Variants in AP3B1 observed in about 807,000 individuals in gnomAD.
AP3B1 encodes adaptor related protein complex 3 subunit beta 1.
AP3B1 carries 61 observed loss-of-function variants against 132.5 expected under a neutral mutation model. That is an observed-to-expected ratio of 0.46 (90% CI 0.37 to 0.57). The LOEUF is 0.57. Ranked by LOEUF, AP3B1 falls within the 20% of genes least tolerant of loss-of-function variation. AP3B1 has a pLI of 0.00. For missense variants in AP3B1, 1,120 were observed against 1,289.4 expected (o/e 0.87, Z 2.01); for synonymous variants, 388 against 438.3 (o/e 0.89, Z 1.43).
At chr5:78,142,516 A>G (rs1247567265) in intron 14 of AP3B1, among the ~76,000 whole-genome samples, 2 of 152,184 alleles carry the variant, frequency 1.3e-5, no homozygotes, top group East Asian at 3.8e-4. Flanking sequence ...ATGGCTATAC[A>G]TAGTAGGATT....
intron 22 of AP3B1, among the ~76,000 whole-genome samples, chr5:78,057,231 T>C: frequency 6.6e-6 from 1 of 152,218 alleles, no homozygotes; most frequent in South Asian, 2.1e-4. Context: ...TGGCAAATTC[T>C]AACTTTTAGC....
intron 3 of AP3B1, among the ~76,000 whole-genome samples, chr5:78,229,616 G>A (rs1746551335): frequency 6.6e-6 from 1 of 150,892 alleles, no homozygotes; most frequent in African/African-American, 2.4e-5. Context: ...GCATGCACCT[G>A]TAGTCCCAGC....
chr5:78,292,720 T>C (rs916006484), intron 1 of AP3B1, among the ~76,000 whole-genome samples: 167 of 152,310 alleles, frequency 1.1e-3, no homozygotes, highest in Non-Finnish European at 2.1e-3. Flanking sequence ...TCAACCATGG[T>C]TATTTGCATA....
Position 78,177,416 on chromosome 5 carries a change from C to A in AP3B1, c.963G>T (p.Gln321His), listed in dbSNP as rs1226113490. The change falls in exon 9 of 27, where the codon CAG (glutamine) becomes CAT (histidine). Residue 321 changes from glutamine to histidine, a missense_variant. Physicochemically the swap from Gln to His is conservative, Grantham distance 24. Around this residue, in one of 3 missense-constraint regions of AP3B1, gnomAD observed 906 missense variants for 997.1 expected, o/e 0.91. Transcript: ENST00000255194. ...ATTTTGGTGATATGTGCCAATACAG[C>A]TGAGCAACTGCCATAACCACCTACA... ...RNAAVVMAVA[Q>H]LYWHISPKSE... 1 of 1,613,766 alleles carries A rather than the reference C, an allele frequency of 6.2e-7. No homozygotes were observed. Among genetic ancestry groups the A allele is most frequent in the East Asian group, 2.2e-5 (1 of 44,860 alleles).
chr5:78,009,543 A>C (rs1746531214), intron 26 of AP3B1, among the ~76,000 whole-genome samples: 1 of 152,172 alleles, frequency 6.6e-6, no homozygotes, highest in South Asian at 2.1e-4. Context: ...ACCTGAAATA[A>C]ACTGTCTTTA....
At chr5:78,066,275 C>T (rs1394137675) in intron 22 of AP3B1, among the ~76,000 whole-genome samples, 1 of 152,204 alleles carries the variant, frequency 6.6e-6, no homozygotes, top group Non-Finnish European at 1.5e-5. Flanking sequence ...ATTACCACAA[C>T]ACCTCTCCAG....
intron 26 of AP3B1, among the ~76,000 whole-genome samples, chr5:78,013,337 G>A (rs1422449474): frequency 6.6e-6 from 1 of 152,040 alleles, no homozygotes; most frequent in Non-Finnish European, 1.5e-5. Context: ...AAGCCACCTT[G>A]CCCAGCCTTG....
At chr5:78,015,276 A>C (rs1394690627) in intron 26 of AP3B1, 134 bp downstream of exon 26, 1 of 929,962 alleles carries the variant, frequency 1.1e-6, no homozygotes, top group African/African-American at 1.7e-5. Flanking sequence ...ATACCATCAG[A>C]AAAAAAAGGG....
intron 2 of AP3B1, among the ~76,000 whole-genome samples, chr5:78,265,061 G>C (rs1748260747): frequency 6.6e-6 from 1 of 152,024 alleles, no homozygotes; most frequent in South Asian, 2.1e-4. Flanking sequence ...CTCTTTTACT[G>C]TCAGTTATAA....
intron 24 of AP3B1, among the ~76,000 whole-genome samples, chr5:78,032,572 C>T (rs936218262): frequency 3.3e-5 from 5 of 152,014 alleles, no homozygotes; most frequent in Admixed American, 6.6e-5. Context: ...TAAACACTGT[C>T]GATCGGTTTC....
intron 7 of AP3B1, among the ~76,000 whole-genome samples, chr5:78,209,653 A>T (rs963415492): frequency 1.3e-5 from 2 of 152,156 alleles, no homozygotes; most frequent in African/African-American, 4.8e-5. Flanking sequence ...TGCACATGTC[A>T]CAGGTGCATC....
At chr5:78,088,400 C>T (rs748781287) in intron 22 of AP3B1, among the ~76,000 whole-genome samples, 1 of 152,150 alleles carries the variant, frequency 6.6e-6, no homozygotes, top group Non-Finnish European at 1.5e-5. Flanking sequence ...TTCACCTGTA[C>T]TTTCTGAGCG....
chr5:78,098,088 TCG>T (rs1283368287), intron 21 of AP3B1, among the ~76,000 whole-genome samples: 1 of 151,004 alleles, frequency 6.6e-6, no homozygotes, highest in East Asian at 1.9e-4. Context: ...GGCAGCATGC[TCG>T]TTAAGAGTCA....
intron 7 of AP3B1, among the ~76,000 whole-genome samples, chr5:78,193,268 T>A (rs915779782): frequency 6.6e-6 from 1 of 152,228 alleles, no homozygotes; most frequent in Non-Finnish European, 1.5e-5. Flanking sequence ...GTAAGTTAAG[T>A]AGAGGAATCA....
intron 1 of AP3B1, among the ~76,000 whole-genome samples, chr5:78,291,554 G>C (rs1192758401): frequency 6.6e-6 from 1 of 151,540 alleles, no homozygotes; most frequent in Non-Finnish European, 1.5e-5. Context: ...CATCACCTAT[G>C]GTAGTATCCC....
chr5:78,263,554 A>G (rs1303280061), intron 2 of AP3B1, among the ~76,000 whole-genome samples: 1 of 152,186 alleles, frequency 6.6e-6, no homozygotes, highest in African/African-American at 2.4e-5. Flanking sequence ...TGGTAAAAGC[A>G]AGCATCCTTG....
chr5:78,004,805 G>GT (rs1241158827), intron 26 of AP3B1, among the ~76,000 whole-genome samples: 5 of 152,178 alleles, frequency 3.3e-5, no homozygotes, highest in Non-Finnish European at 5.9e-5. Context: ...AGAAGCAATT[G>GT]TAAGTAACCA....
intron 1 of AP3B1, among the ~76,000 whole-genome samples, chr5:78,278,655 A>C: frequency 6.7e-6 from 1 of 149,720 alleles, no homozygotes; most frequent in South Asian, 2.1e-4. Context: ...ATTATGAGGA[A>C]CTATTACACA....
rs756610617 is a variant in AP3B1 at position 78,240,843 on chromosome 5, T to G, written c.279+19A>C. ...ATGAAAACAAAAGGAATCATAAAAA[T>G]TATAGATCAAAACAGTACCTCAATA... On this transcript the variant is annotated intron_variant, in intron 3 of 26. Transcript: ENST00000255194. 1 of 1,561,782 alleles carries G rather than the reference T, an allele frequency of 6.4e-7. No homozygotes were observed. Among genetic ancestry groups the G allele is most frequent in the Non-Finnish European group, 8.8e-7 (1 of 1,132,594 alleles).
Sources: gnomAD v4.1 joint callset for allele counts (sites outside exome capture counted in the v4.1 genomes callset) on GRCh38, gnomAD v4.1.1 for gene constraint, gnomAD v4.1.1 regional missense constraint, MANE v1.5 for transcripts, NCBI Gene and HGNC (gene_info 2026-07-23, HGNC 2026-07-21) for gene names.